The following GRK5 variants were observed in gnomAD, a reference collection of about 807,000 sequenced individuals.
GRK5 encodes g protein-coupled receptor kinase GRK5.
Under a neutral mutation model 78.4 loss-of-function variants are expected in GRK5, and 40 were observed. That is an observed-to-expected ratio of 0.51 (90% CI 0.40 to 0.66). The LOEUF (loss-of-function observed/expected upper bound fraction) is 0.66, where lower values mean the gene tolerates loss of function less well. Ranked by LOEUF, GRK5 falls within the 30% of genes least tolerant of loss-of-function variation. The probability of loss-of-function intolerance (pLI) is 0.00; values close to 1 mark genes in which losing one functional copy is unlikely to be tolerated. For missense variants in GRK5, 598 were observed against 759.9 expected (o/e 0.79, Z 2.50); for synonymous variants, 289 against 296.8 (o/e 0.97, Z 0.27).
intron 4 of GRK5, among the ~76,000 whole-genome samples, chr10:119,402,785 G>GGGA (rs1852170979): frequency 6.6e-6 from 1 of 152,126 alleles, no homozygotes; most frequent in African/African-American, 2.4e-5. Context: ...ACCAGGGACG[G>GGGA]GGAGGTTGCA....
At chr10:119,320,578 A>T (rs10886457) in intron 1 of GRK5, among the ~76,000 whole-genome samples, 2 of 152,228 alleles carry the variant, frequency 1.3e-5, no homozygotes, top group Non-Finnish European at 2.9e-5. Context: ...AACCGAGCTC[A>T]GAGGAGACCT....
intron 2 of GRK5, among the ~76,000 whole-genome samples, chr10:119,375,112 C>T (rs1195243996): frequency 6.6e-6 from 1 of 152,240 alleles, no homozygotes; most frequent in Non-Finnish European, 1.5e-5. Context: ...TGACCTACCA[C>T]TTTCTGTCTG....
At chr10:119,337,673 G>A (rs569180586) in intron 2 of GRK5, among the ~76,000 whole-genome samples, 229 of 152,052 alleles carry the variant, frequency 1.5e-3, no homozygotes, top group Non-Finnish European at 1.9e-3. Flanking sequence ...AGGCTGGAGT[G>A]CAATGGCACG....
chr10:119,325,872 G>A (rs759871894), intron 1 of GRK5, among the ~76,000 whole-genome samples: 19 of 152,270 alleles, frequency 1.2e-4, no homozygotes, highest in African/African-American at 3.6e-4. Flanking sequence ...TTCATTGTGC[G>A]TGTGCATGTT....
chr10:119,416,436 G>A (rs1021889053), intron 4 of GRK5, among the ~76,000 whole-genome samples: 6 of 152,232 alleles, frequency 3.9e-5, no homozygotes, highest in Non-Finnish European at 8.8e-5. Context: ...ATCTTCACTA[G>A]TCCCTCTGAC....
intron 13 of GRK5, among the ~76,000 whole-genome samples, chr10:119,449,127 T>C (rs1305608595): frequency 6.6e-6 from 1 of 152,196 alleles, no homozygotes; most frequent in African/African-American, 2.4e-5. Flanking sequence ...TCCAGAGAGC[T>C]CATGTGCACC....
intron 1 of GRK5, among the ~76,000 whole-genome samples, chr10:119,243,566 C>CTTTCTTTTTT (rs751972415): frequency 6.1e-5 from 9 of 148,004 alleles, no homozygotes; most frequent in East Asian, 2.0e-4. Flanking sequence ...CCCAGTTTTT[C>CTTTCTTTTTT]TTTTTTTTTT....
At chr10:119,216,201 A>G (rs1176566941) in intron 1 of GRK5, among the ~76,000 whole-genome samples, 5 of 152,220 alleles carry the variant, frequency 3.3e-5, no homozygotes, top group African/African-American at 1.2e-4. Context: ...ACATCCTCCT[A>G]AACTAGGCCA....
At chr10:119,403,176 T>G (rs1182203448) in intron 4 of GRK5, among the ~76,000 whole-genome samples, 1 of 151,466 alleles carries the variant, frequency 6.6e-6, no homozygotes, top group Non-Finnish European at 1.5e-5. Context: ...ACTGGCTTCT[T>G]TTTTTTTTGA....
At chr10:119,313,292 AATGGTGGTG>A (rs1850428827) in intron 1 of GRK5, among the ~76,000 whole-genome samples, 1 of 118,976 alleles carries the variant, frequency 8.4e-6, no homozygotes. Flanking sequence ...GGATGGTGGT[AATGGTGGTG>A]GTGATGATGG....
At chr10:119,438,433 C>G (rs1475753) in intron 9 of GRK5, among the ~76,000 whole-genome samples, 1 of 152,114 alleles carries the variant, frequency 6.6e-6, no homozygotes, top group Non-Finnish European at 1.5e-5. Flanking sequence ...ATCTTGGGAC[C>G]AAGAAGGTTT....
chr10:119,370,420 C>G (rs939244128), intron 2 of GRK5, among the ~76,000 whole-genome samples: 2 of 152,174 alleles, frequency 1.3e-5, no homozygotes, highest in African/African-American at 4.8e-5. Flanking sequence ...ACGAGAGGGA[C>G]GAATGGCACA....
At chr10:119,397,686 A>G (rs1852079159) in intron 4 of GRK5, among the ~76,000 whole-genome samples, 1 of 152,218 alleles carries the variant, frequency 6.6e-6, no homozygotes, top group African/African-American at 2.4e-5. Context: ...AGCCTGTGGA[A>G]GGTCTTGGCC....
chr10:119,272,978 A>C (rs1272759369), intron 1 of GRK5, among the ~76,000 whole-genome samples: 2 of 152,214 alleles, frequency 1.3e-5, no homozygotes, highest in Admixed American at 6.5e-5. Flanking sequence ...GGGAGGTGGC[A>C]GTCCCTCTCT....
Position 119,423,387 on chromosome 10 carries a change from AG to A in GRK5, c.440+122del, listed in dbSNP as rs1486415108. 7.4e-6 allele frequency: 5 copies of A among 677,322 alleles called. No homozygotes were observed. In the African/African-American group the frequency reaches 8.9e-5, roughly 12 times the overall value. 42.0% of individuals were successfully genotyped at this position (677,322 alleles called of 1,614,324 possible). Reference sequence around the variant, plus strand: ...CTTCCATGCCTGACAGCTTCAGCCAAGTTATACCAACTGTTTGTATACTTCC... The same window carrying A: ...CTTCCATGCCTGACAGCTTCAGCCAATTATACCAACTGTTTGTATACTTCC... On this transcript the variant is annotated intron_variant, in intron 5 of 15. Coordinates refer to ENST00000392870, the MANE Select transcript of GRK5 (RefSeq NM_005308.3).
intron 2 of GRK5, among the ~76,000 whole-genome samples, chr10:119,377,342 C>A (rs1412613544): frequency 6.6e-6 from 1 of 152,324 alleles, no homozygotes. Flanking sequence ...CTTTGATTTG[C>A]GCCTCCTCCT....
intron 4 of GRK5, among the ~76,000 whole-genome samples, chr10:119,411,962 C>T (rs1295675307): frequency 2.0e-5 from 3 of 150,636 alleles, no homozygotes; most frequent in Non-Finnish European, 4.4e-5. Context: ...GCAATCCTCT[C>T]GCCTCAGCCT....
At chr10:119,273,785 CT>C (rs535784782) in intron 1 of GRK5, among the ~76,000 whole-genome samples, 2 of 151,874 alleles carry the variant, frequency 1.3e-5, no homozygotes, top group Admixed American at 1.3e-4. Flanking sequence ...CCTATGTGTT[CT>C]TTTTTTTGAT....
intron 1 of GRK5, among the ~76,000 whole-genome samples, chr10:119,302,717 G>A (rs1457019115): frequency 6.6e-6 from 1 of 152,154 alleles, no homozygotes; most frequent in Non-Finnish European, 1.5e-5. Flanking sequence ...AAGCAGGACT[G>A]TCCAGGTGTT....
Sources: gnomAD v4.1 joint callset for allele counts (sites outside exome capture counted in the v4.1 genomes callset) on GRCh38, gnomAD v4.1.1 for gene constraint, MANE v1.5 for transcripts, NCBI Gene and HGNC (gene_info 2026-07-23, HGNC 2026-07-21) for gene names.